STAU2: variants seen among roughly 807,000 people sequenced by gnomAD.
STAU2 encodes the protein staufen double-stranded RNA binding protein 2.
A neutral mutation model predicts 65.9 loss-of-function variants in STAU2; 20 were observed. The observed-to-expected ratio is 0.30, with a 90% CI of 0.21 to 0.44. The LOEUF (loss-of-function observed/expected upper bound fraction) is 0.44. Ranked by LOEUF, STAU2 falls within the 20% of genes least tolerant of loss-of-function variation. STAU2 has a pLI of 1.00. For missense variants in STAU2, 558 were observed against 683.9 expected (o/e 0.82, Z 2.05); for synonymous variants, 232 against 233.9 (o/e 0.99, Z 0.07).
rs1181396618 is a variant in STAU2, at chr8:73,686,736, TA to T, written c.274+1917del. Among the ~76,000 whole-genome samples, 78 of 140,644 alleles carry T rather than the reference TA, an allele frequency of 5.5e-4. 1 individual carries two copies. Among genetic ancestry groups the T allele is most frequent in the East Asian group, 2.8e-3 (14 of 4,922 alleles). The allele number at this position is 140,644 out of a possible 152,430, so 92.3% of individuals were successfully genotyped here. A position where few individuals can be genotyped will look rare whatever the true frequency, so the allele number is the denominator to read the frequency against. The stretch of plus-strand genomic sequence containing the variant: ...ACCTGTTCCCCAAAAACTATTGAAA[TA>T]AAAAAAAAAAGATAATGACATATAA... On this transcript the variant is annotated intron_variant, in intron 5 of 14. Transcript: ENST00000524300.
In STAU2 at chr8:73,659,381, C is replaced by T. The variant is rs1244952857; in HGVS notation, c.410+13726G>A. On this transcript the variant is annotated intron_variant, in intron 6 of 14. Coordinates refer to ENST00000524300, the MANE Select transcript of STAU2 (RefSeq NM_001164380.2). ...GGAGAAAACCTGTCTCTACTAAAAA[C>T]ACAAAATTAGCCTGGCATGGTGGCA... 3.3e-5 allele frequency among the ~76,000 whole-genome samples: 5 copies of T among 151,942 alleles called. No homozygotes were observed. The East Asian group carries it at 7.8e-4, about 24-fold the overall frequency.
In STAU2 at chr8:73,545,415, G is replaced by T. The variant is rs549839090; in HGVS notation, c.1530+6597C>A. 8.8e-4 allele frequency among the ~76,000 whole-genome samples: 134 copies of T among 152,200 alleles called. 1 individual carries two copies. Among genetic ancestry groups the T allele is most frequent in the Non-Finnish European group, 1.2e-3 (79 of 67,998 alleles). ...AAAAATTTGGAAGTTTTTCAAGTAT[G>T]TGTTTTCTCTGACAGTTAAATCTGC... On this transcript the variant is annotated intron_variant, in intron 13 of 14. Coordinates refer to ENST00000524300, the MANE Select transcript of STAU2 (RefSeq NM_001164380.2).
At chr8:73,706,514 AC>A (rs1361032085) in intron 4 of STAU2, among the ~76,000 whole-genome samples, 1 of 152,196 alleles carries the variant, frequency 6.6e-6, no homozygotes, top group African/African-American at 2.4e-5. Flanking sequence ...CCTAAAGGCC[AC>A]TGATAGACAT....
intron 13 of STAU2, among the ~76,000 whole-genome samples, chr8:73,424,201 CT>C (rs59063960): frequency 0.024 from 2,766 of 115,254 alleles, 50 homozygotes; most frequent in African/African-American, 0.083. Flanking sequence ...TCCTCTATGT[CT>C]TTTTTTTTTT....
At chr8:73,629,920 ATT>A (rs539680125) in intron 6 of STAU2, among the ~76,000 whole-genome samples, 1 of 151,648 alleles carries the variant, frequency 6.6e-6, no homozygotes, top group Non-Finnish European at 1.5e-5. Context: ...CACTTGGCTA[ATT>A]TTTTTTTATT....
intron 6 of STAU2, among the ~76,000 whole-genome samples, chr8:73,664,090 G>C (rs556529770): frequency 6.6e-6 from 1 of 152,112 alleles, no homozygotes; most frequent in South Asian, 2.1e-4. Flanking sequence ...GTCTCACTGC[G>C]TTGCCTAGGC....
chr8:73,512,772 T>A (rs1563395159), intron 13 of STAU2, among the ~76,000 whole-genome samples: 1 of 152,188 alleles, frequency 6.6e-6, no homozygotes, highest in South Asian at 2.1e-4. Context: ...TTGAAGTTTA[T>A]GGGTGTGGGT....
Position 73,421,200 on chromosome 8 carries a change from T to C in STAU2, c.*172A>G, listed in dbSNP as rs1014158229. 92 of 567,952 alleles carry C rather than the reference T, an allele frequency of 1.6e-4. 1 individual carries two copies. In the Admixed American group the frequency reaches 2.0e-3, roughly 12 times the overall value. 35.2% of individuals were successfully genotyped at this position (567,952 alleles called of 1,614,324 possible). A position where few individuals can be genotyped will look rare whatever the true frequency, so the allele number is the denominator to read the frequency against. ...AGGGAAATGCTCAAAGTTTTATTTT[T>C]CCCCAGTTGAATAAACAGTACCATG... On this transcript the variant is annotated 3_prime_UTR_variant, in exon 15 of 15. Coordinates refer to ENST00000524300, the MANE Select transcript of STAU2 (RefSeq NM_001164380.2).
intron 10 of STAU2, among the ~76,000 whole-genome samples, chr8:73,601,600 A>G (rs925092466): frequency 5.4e-4 from 83 of 152,326 alleles, no homozygotes; most frequent in African/African-American, 1.9e-3. Flanking sequence ...AAAGGCCGTT[A>G]CTTTGATAAA....
chr8:73,718,040 T>C (rs1821375043), intron 3 of STAU2, among the ~76,000 whole-genome samples: 1 of 152,206 alleles, frequency 6.6e-6, no homozygotes. Context: ...GAGATAATAA[T>C]ATGTCAATGA....
At chr8:73,741,814 G>A (rs572893016) in intron 1 of STAU2, among the ~76,000 whole-genome samples, 26 of 152,168 alleles carry the variant, frequency 1.7e-4, no homozygotes, top group Admixed American at 4.6e-4. Flanking sequence ...CGCCCGGCCC[G>A]AAACTTCTAG....
chr8:73,735,135 T>C (rs1025275671), intron 3 of STAU2, among the ~76,000 whole-genome samples: 9 of 152,288 alleles, frequency 5.9e-5, no homozygotes, highest in South Asian at 2.1e-4. Context: ...CCTACTATGT[T>C]GCCCAAGCTG....
chr8:73,740,286 T>C (rs1025934521), intron 1 of STAU2, among the ~76,000 whole-genome samples: 1 of 152,244 alleles, frequency 6.6e-6, no homozygotes, highest in Non-Finnish European at 1.5e-5. Flanking sequence ...TAAATTCTGG[T>C]GCAATGTGCT....
chr8:73,649,760 C>CTTTAGATGTCTTTGAGAAGGT (rs1815691544), intron 6 of STAU2, among the ~76,000 whole-genome samples: 1 of 150,696 alleles, frequency 6.6e-6, no homozygotes. Flanking sequence ...AAACACAACG[C>CTTTAGATGTCTTTGAGAAGGT]TTTAGATGTC....
At chr8:73,498,797 T>C (rs1473834342) in intron 13 of STAU2, among the ~76,000 whole-genome samples, 3 of 151,834 alleles carry the variant, frequency 2.0e-5, no homozygotes, top group Non-Finnish European at 1.5e-5. Flanking sequence ...AACTACCCCA[T>C]GAGACATAAA....
intron 10 of STAU2, among the ~76,000 whole-genome samples, chr8:73,596,753 G>A (rs1448286081): frequency 1.3e-5 from 2 of 152,112 alleles, no homozygotes; most frequent in Admixed American, 1.3e-4. Flanking sequence ...GGAGGCTGAG[G>A]TGGGAAGACT....
At chr8:73,722,437 A>C (rs1293575689) in intron 3 of STAU2, among the ~76,000 whole-genome samples, 1 of 152,204 alleles carries the variant, frequency 6.6e-6, no homozygotes, top group Admixed American at 6.5e-5. Flanking sequence ...TTTCTTCCAG[A>C]GGGGAAATGT....
chr8:73,504,649 A>C (rs1378897423), intron 13 of STAU2, among the ~76,000 whole-genome samples: 1 of 151,972 alleles, frequency 6.6e-6, no homozygotes, highest in East Asian at 1.9e-4. Flanking sequence ...GCAGTTTCAG[A>C]GTCAGGTTTT....
intron 13 of STAU2, among the ~76,000 whole-genome samples, chr8:73,479,711 A>ATATGTGTG (rs1194512252): frequency 2.2e-5 from 1 of 46,312 alleles, no homozygotes; most frequent in South Asian, 9.7e-4. Flanking sequence ...ACTTAAATAT[A>ATATGTGTG]CGTGTGTGTG....
Sources: gnomAD v4.1 joint callset for allele counts (sites outside exome capture counted in the v4.1 genomes callset) on GRCh38, gnomAD v4.1.1 for gene constraint, MANE v1.5 for transcripts, NCBI Gene and HGNC (gene_info 2026-07-23, HGNC 2026-07-21) for gene names.